ILKAP: variants seen among roughly 807,000 people sequenced by gnomAD.
ILKAP encodes ILK associated serine/threonine phosphatase.
A neutral mutation model predicts 49.1 loss-of-function variants in ILKAP; 11 were observed. The observed-to-expected ratio is 0.22, with a 90% CI of 0.14 to 0.37. The LOEUF is 0.37. Among genes scored for constraint, ILKAP ranks in the 10% least tolerant of loss-of-function variants. ILKAP has a pLI of 1.00. For missense variants in ILKAP, 363 were observed against 510.8 expected, an observed-to-expected ratio of 0.71 and a Z score of 2.79; for synonymous variants, 186 against 192.8, an observed-to-expected ratio of 0.96 and a Z score of 0.29.
intron 10 of ILKAP, 134 bp from the exon 11 acceptor site, chr2:238,171,158 TTC>T: frequency 6.5e-6 from 4 of 612,890 alleles, no homozygotes; most frequent in Admixed American, 6.7e-5. Flanking sequence ...TTTTTCTTTT[TTC>T]TTTTTTTTTT....
intron 3 of ILKAP, 79 bp downstream of exon 3, chr2:238,194,196 A>C: frequency 7.9e-7 from 1 of 1,258,814 alleles, no homozygotes; most frequent in Non-Finnish European, 1.2e-6. Context: ...TCCCGTTAAA[A>C]CCTATACATA....
chr2:238,189,909 G>T lies in ILKAP; in HGVS notation c.242C>A (p.Thr81Asn), dbSNP rs1238910633. The change falls in exon 4 of 12, where the codon ACC (threonine) becomes AAC (asparagine). Residue 81 changes from threonine to asparagine, a missense_variant. Physicochemically the swap from Thr to Asn is moderately conservative, Grantham distance 65. This residue lies in a region of ILKAP where 114 missense variants were observed against 116.0 expected (regional missense o/e 0.98). Transcript: ENST00000254654. ...KTEGKGAKRK[T>N]SEEEKNGSEE... ...ACTGCCATTCTTCTCTTCCTCGGAG[G>T]TTTTTCTCTTTGCTCCTTTCCCTTC... 6.2e-7 allele frequency: 1 copy of T among 1,613,910 alleles called. No homozygotes were observed.
chr2:238,188,439 A>T (rs1693992665), intron 4 of ILKAP, 182 bp from the exon 5 acceptor site: 1 of 672,008 alleles, frequency 1.5e-6, no homozygotes, highest in Admixed American at 3.1e-5. Flanking sequence ...CTCAAATCGG[A>T]GCACTGTTGG....
chr2:238,191,418 C>G lies in ILKAP; in HGVS notation c.179-1446G>C, dbSNP rs146004790. 1.7e-3 allele frequency among the ~76,000 whole-genome samples: 254 copies of G among 152,254 alleles called. 2 individuals are homozygous for G. Among genetic ancestry groups the G allele is most frequent in the African/African-American group, 5.9e-3 (247 of 41,548 alleles). ...GGAAAAAGTAATGAAAATGTTCCTG[C>G]CCTCAAGAAGCGTAAATTAGTTGCA... On this transcript the variant is annotated intron_variant, in intron 3 of 11. Coordinates refer to ENST00000254654, the MANE Select transcript of ILKAP (RefSeq NM_030768.3).
chr2:238,202,092 G>T (rs1694593798), intron 1 of ILKAP, among the ~76,000 whole-genome samples: 2 of 152,188 alleles, frequency 1.3e-5, no homozygotes, highest in African/African-American at 4.8e-5. Flanking sequence ...GGGTGTGGTG[G>T]TCGGCGCCTG....
intron 9 of ILKAP, among the ~76,000 whole-genome samples, chr2:238,179,011 C>T (rs1370602545): frequency 6.6e-6 from 1 of 152,084 alleles, no homozygotes; most frequent in Non-Finnish European, 1.5e-5. Flanking sequence ...CCACAGTTGC[C>T]AAATTGGTCT....
intron 1 of ILKAP, among the ~76,000 whole-genome samples, chr2:238,197,314 C>A (rs186861958): frequency 6.6e-6 from 1 of 152,194 alleles, no homozygotes; most frequent in Non-Finnish European, 1.5e-5. Context: ...ACAATCACAA[C>A]GCCCGTTCTC....
In ILKAP at chr2:238,203,493, G is replaced by A. The variant is rs1027376744; in HGVS notation, c.55+6C>T. On this transcript the variant is annotated splice_donor_region_variant and intron_variant, in intron 1 of 11. Coordinates refer to ENST00000254654, the MANE Select transcript of ILKAP (RefSeq NM_030768.3). The stretch of plus-strand genomic sequence containing the variant: ...CCCTGGCCGGCCCGGCGGCAACGCC[G>A]CTTACCGGCAGCCGGGCGCGGCGAG... The A allele has an allele frequency of 1.6e-6, 2 of 1,250,450 alleles. No individual in the cohort carries two copies. The highest frequency in any genetic ancestry group is 4.1e-5 in the East Asian group (1 of 24,390). The allele number at this position is 1,250,450 out of a possible 1,614,324, so 77.5% of individuals were successfully genotyped here.
At chr2:238,189,145 C>T (rs905569747) in intron 4 of ILKAP, among the ~76,000 whole-genome samples, 39 of 152,112 alleles carry the variant, frequency 2.6e-4, no homozygotes, top group African/African-American at 8.7e-4. Flanking sequence ...GGTGAAACCC[C>T]GTCTCTACTA....
At chr2:238,200,088 T>TC in intron 1 of ILKAP, among the ~76,000 whole-genome samples, 1 of 152,326 alleles carries the variant, frequency 6.6e-6, no homozygotes, top group East Asian at 1.9e-4. Flanking sequence ...CATGACACCT[T>TC]CAACTGACAT....
chr2:238,177,648 G>A (rs960081613), intron 9 of ILKAP, among the ~76,000 whole-genome samples: 10 of 152,154 alleles, frequency 6.6e-5, no homozygotes, highest in African/African-American at 2.4e-4. Flanking sequence ...GCATGGGTCA[G>A]AATTTCCTTC....
At chr2:238,180,100 G>C (rs1013704086) in intron 9 of ILKAP, among the ~76,000 whole-genome samples, 1 of 152,048 alleles carries the variant, frequency 6.6e-6, no homozygotes, top group Admixed American at 6.5e-5. Flanking sequence ...CAACCTCAGA[G>C]GTCAAGGCTG....
At chr2:238,177,071 T>G (rs1190226507) in intron 9 of ILKAP, among the ~76,000 whole-genome samples, 1 of 152,228 alleles carries the variant, frequency 6.6e-6, no homozygotes, top group Non-Finnish European at 1.5e-5. Flanking sequence ...CTGCCTTCCT[T>G]GTAAAATAAA....
intron 9 of ILKAP, among the ~76,000 whole-genome samples, chr2:238,174,477 G>A (rs750760211): frequency 1.3e-5 from 2 of 152,230 alleles, no homozygotes; most frequent in Non-Finnish European, 2.9e-5. Flanking sequence ...CTCCGCAAAT[G>A]CCACGGCTGC....
At chr2:238,189,671 G>A (rs1242904359) in intron 4 of ILKAP, 182 bp downstream of exon 4, 3 of 502,066 alleles carry the variant, frequency 6.0e-6, no homozygotes, top group Non-Finnish European at 1.1e-5. Flanking sequence ...AGAGATAGAT[G>A]TACATGAAAA....
intron 3 of ILKAP, among the ~76,000 whole-genome samples, chr2:238,193,558 C>A (rs1694229247): frequency 6.6e-6 from 1 of 152,212 alleles, no homozygotes. Flanking sequence ...AGGGTACTAT[C>A]TTTATTGGGA....
In ILKAP at chr2:238,195,970, G is replaced by A. The variant is rs571549508; in HGVS notation, c.56-1100C>T. 5.0e-5 allele frequency among the ~76,000 whole-genome samples: 7 copies of A among 138,964 alleles called. No individual in the cohort carries two copies. In the South Asian group the frequency reaches 1.2e-3, roughly 24 times the overall value. 91.2% of individuals were successfully genotyped at this position (138,964 alleles called of 152,430 possible). On this transcript the variant is annotated intron_variant, in intron 1 of 11. Coordinates refer to ENST00000254654, the MANE Select transcript of ILKAP (RefSeq NM_030768.3). ...AGGTGGGAGGATCACCTGAGCCCAG[G>A]GAGGCCAAGGCTTCAGTGAGCCATG...
intron 7 of ILKAP, 51 bp downstream of exon 7, chr2:238,183,969 G>A (rs758773655): frequency 3.3e-6 from 4 of 1,204,404 alleles, no homozygotes; most frequent in Non-Finnish European, 4.9e-6. Context: ...AATGCATTTA[G>A]GAAAACACCA....
chr2:238,170,511 C>T lies in ILKAP; in HGVS notation c.*25G>A, dbSNP rs370904240. The T allele has an allele frequency of 1.3e-5, 20 of 1,574,394 alleles. No individual in the cohort carries two copies. Among genetic ancestry groups the T allele is most frequent in the East Asian group, 6.8e-5 (3 of 44,088 alleles). On this transcript the variant is annotated 3_prime_UTR_variant, in exon 12 of 12. Transcript: ENST00000254654. The stretch of plus-strand genomic sequence containing the variant: ...ATGAACCTTTTAAGTCAATACCATG[C>T]GTGCTCCTGGCCGCGCGCCACCCCT...
Sources: gnomAD v4.1 joint callset for allele counts (sites outside exome capture counted in the v4.1 genomes callset) on GRCh38, gnomAD v4.1.1 for gene constraint, gnomAD v4.1.1 regional missense constraint, MANE v1.5 for transcripts, NCBI Gene and HGNC (gene_info 2026-07-23, HGNC 2026-07-21) for gene names.